Variants in PPARGC1A observed in about 807,000 individuals in gnomAD.
PPARGC1A encodes the protein peroxisome proliferator-activated receptor gamma coactivator 1-alpha.
A neutral mutation model predicts 88.7 loss-of-function variants in PPARGC1A; 25 were observed. The ratio of observed to expected loss-of-function variants is 0.28; its 90% CI spans 0.21 to 0.39. The LOEUF is 0.39. Ranked by LOEUF, PPARGC1A falls within the 10% of genes least tolerant of loss-of-function variation. The pLI, the probability that PPARGC1A is intolerant of heterozygous loss-of-function variation, is 1.00. For missense variants in PPARGC1A, 880 were observed against 968.7 expected (o/e 0.91, Z 1.22); for synonymous variants, 363 against 355.6 (o/e 1.02, Z -0.24).
chr4:24,358,312 A>G, the PPARGC1A span, among the ~76,000 whole-genome samples: 2 of 152,226 alleles, frequency 1.3e-5, no homozygotes, highest in African/African-American at 4.8e-5. Context: ...TCTTTAAAAT[A>G]ACCCTCTGAA....
At chr4:24,403,345 G>A in the PPARGC1A span, among the ~76,000 whole-genome samples, 3 of 152,222 alleles carry the variant, frequency 2.0e-5, no homozygotes, top group Admixed American at 6.5e-5. Context: ...TCAGTGGAAC[G>A]TTAAGCTCTG....
At chr4:24,005,754 C>A in the PPARGC1A span, among the ~76,000 whole-genome samples, 2 of 151,928 alleles carry the variant, frequency 1.3e-5, no homozygotes, top group Non-Finnish European at 2.9e-5. Context: ...GGCATAGTGA[C>A]CGGCTCTGAA....
At chr4:24,141,518 C>T in the PPARGC1A span, among the ~76,000 whole-genome samples, 1 of 152,184 alleles carries the variant, frequency 6.6e-6, no homozygotes, top group Admixed American at 6.5e-5. Flanking sequence ...AACAAAGTGG[C>T]TAGAGGTGGA....
the PPARGC1A span, among the ~76,000 whole-genome samples, chr4:24,025,961 T>C: frequency 2.6e-5 from 4 of 152,214 alleles, no homozygotes; most frequent in African/African-American, 9.7e-5. Flanking sequence ...GTTATAAATC[T>C]GTGTTTGTAA....
the PPARGC1A span, among the ~76,000 whole-genome samples, chr4:24,202,847 G>A: frequency 6.6e-6 from 1 of 152,104 alleles, no homozygotes; most frequent in African/African-American, 2.4e-5. Context: ...TTTCAGAAAA[G>A]AGTCATTGAC....
intron 2 of PPARGC1A, chr4:23,875,972 A>C (rs547640629): frequency 6.6e-6 from 1 of 152,268 alleles, no homozygotes; most frequent in East Asian, 1.9e-4. Flanking sequence ...TTATTTTACC[A>C]TTATATCACC....
chr4:23,796,924 G>A (rs1378048151), intron 12 of PPARGC1A, among the ~76,000 whole-genome samples: 1 of 151,752 alleles, frequency 6.6e-6, no homozygotes, highest in East Asian at 1.9e-4. Context: ...AGTAATAGAA[G>A]GATATAATAC....
the PPARGC1A span, among the ~76,000 whole-genome samples, chr4:23,977,009 A>AGG: frequency 9.2e-5 from 14 of 151,958 alleles, no homozygotes; most frequent in East Asian, 1.9e-3. Context: ...GAGAAGGAAA[A>AGG]GAGAGAGGAG....
the PPARGC1A span, among the ~76,000 whole-genome samples, chr4:24,215,756 G>A: frequency 6.6e-6 from 1 of 152,136 alleles, no homozygotes; most frequent in African/African-American, 2.4e-5. Flanking sequence ...GCTGTAGTGG[G>A]GAGATATCCA....
At chr4:24,289,551 C>G in the PPARGC1A span, among the ~76,000 whole-genome samples, 1 of 152,302 alleles carries the variant, frequency 6.6e-6, no homozygotes, top group Admixed American at 6.5e-5. Flanking sequence ...TGTTTGTTAA[C>G]TGTTATTTTA....
At chr4:23,985,138 T>C in the PPARGC1A span, among the ~76,000 whole-genome samples, 122 of 152,144 alleles carry the variant, frequency 8.0e-4, 1 homozygote, top group Non-Finnish European at 1.0e-3. Flanking sequence ...AGTCCATCAA[T>C]GTTTATTACA....
the PPARGC1A span, among the ~76,000 whole-genome samples, chr4:24,194,180 C>T: frequency 0.086 from 12,933 of 150,154 alleles, 597 homozygotes; most frequent in African/African-American, 0.12. Flanking sequence ...AGAAGCAGTA[C>T]GACAGACTAC....
chr4:24,052,122 C>T, the PPARGC1A span, among the ~76,000 whole-genome samples: 2 of 152,114 alleles, frequency 1.3e-5, no homozygotes, highest in South Asian at 4.1e-4. Flanking sequence ...TTCTGAGGTT[C>T]TGAGGCTGGT....
chr4:24,217,980 A>T, the PPARGC1A span, among the ~76,000 whole-genome samples: 2 of 152,190 alleles, frequency 1.3e-5, no homozygotes, highest in Non-Finnish European at 2.9e-5. Flanking sequence ...AAACTTTTTT[A>T]AAATTGTTAA....
the PPARGC1A span, among the ~76,000 whole-genome samples, chr4:24,170,445 T>C: frequency 9.7e-3 from 1,483 of 152,232 alleles, 35 homozygotes; most frequent in African/African-American, 0.034. Flanking sequence ...AATCTACTGA[T>C]GGGAAAAAAG....
chr4:24,084,905 C>T, the PPARGC1A span, among the ~76,000 whole-genome samples: 1 of 152,172 alleles, frequency 6.6e-6, no homozygotes, highest in African/African-American at 2.4e-5. Flanking sequence ...TCTATGGCGT[C>T]TGTGATCCAA....
chr4:24,200,538 A>AAAACAC, the PPARGC1A span, among the ~76,000 whole-genome samples: 1 of 151,688 alleles, frequency 6.6e-6, no homozygotes, highest in South Asian at 2.1e-4. Flanking sequence ...TAAAATTATA[A>AAAACAC]AAACACATGT....
the PPARGC1A span, among the ~76,000 whole-genome samples, chr4:24,259,099 T>C: frequency 2.0e-5 from 3 of 152,178 alleles, no homozygotes; most frequent in East Asian, 1.9e-4. Flanking sequence ...CCCAGAAAGA[T>C]GGCACCTTCA....
chr4:23,822,519 G>C (rs548669020), intron 7 of PPARGC1A, among the ~76,000 whole-genome samples: 6 of 152,036 alleles, frequency 3.9e-5, no homozygotes, highest in Admixed American at 1.3e-4. Flanking sequence ...CTTTAAACTT[G>C]AACTATGCTG....
Sources: gnomAD v4.1 joint callset for allele counts (sites outside exome capture counted in the v4.1 genomes callset) on GRCh38, gnomAD v4.1.1 for gene constraint, MANE v1.5 for transcripts, NCBI Gene and HGNC (gene_info 2026-07-23, HGNC 2026-07-21) for gene names.